The following TAAR2 variants were observed in gnomAD, a reference collection of about 807,000 sequenced individuals.
TAAR2 encodes trace amine-associated receptor 2.
TAAR2 carries 30 observed loss-of-function variants against 25.5 expected under a neutral mutation model. That is an observed-to-expected ratio of 1.18 (90% confidence interval 0.88 to 1.60). The LOEUF (loss-of-function observed/expected upper bound fraction) is 1.60, where lower values mean the gene tolerates loss of function less well. Among genes scored for constraint, TAAR2 ranks in the 40% most tolerant of loss-of-function variants. The probability of loss-of-function intolerance (pLI) is 0.00; values close to 1 mark genes in which losing one functional copy is unlikely to be tolerated. For synonymous variants in TAAR2, 150 were observed against 142.4 expected (o/e 1.05, Z -0.38); for missense variants, 481 against 416.5 (o/e 1.15, Z -1.35).
Position 132,617,970 on chromosome 6 carries a change from T to C in TAAR2, c.236A>G (p.Asn79Ser). 1 of 1,613,758 alleles carries C rather than the reference T, an allele frequency of 6.2e-7. No individual in the cohort carries two copies. The highest frequency in any genetic ancestry group is 8.5e-7 in the Non-Finnish European group (1 of 1,179,908). Residue 79 changes from asparagine (N) to serine (S), a missense_variant, in exon 2 of 2, where the codon AAC becomes AGC. Transcript: ENST00000367931. ...SYFKQLHTPT[N>S]FLILSMAITD... ...GATGGCCATGGAGAGGATGAGGAAG[T>C]TGGTTGGTGTGTGAAGCTGCTTGAA...
At chr6:132,620,902 AG>A (rs1777362569) in intron 1 of TAAR2, among the ~76,000 whole-genome samples, 1 of 92,468 alleles carries the variant, frequency 1.1e-5, no homozygotes, top group Admixed American at 9.7e-5. Context: ...AAAGACAGAA[AG>A]AAAAAAGAAG....
At position 132,624,215 on chromosome 6, in the gene TAAR2, CCT is replaced by C. The variant is rs760401665; in HGVS notation, c.59_60del (p.Lys20ArgfsTer7). On this transcript the variant is annotated frameshift_variant and splice_region_variant, in exon 1 of 2. Coordinates refer to ENST00000367931, the MANE Select transcript of TAAR2 (RefSeq NM_001033080.1). LOFTEE classifies it high-confidence loss of function. ...LSHFKRTQTKKEKFNCSEYGN... is the reference protein window; with the variant it reads ...LSHFKRTQTKXEKFNCSEYGN... ...ACTTAGTCATATGTTTAAGGGCCTA[CCT>C]TTTTTGTCTGTGTTCTTTTGAAATG... 6 of 1,613,300 alleles carry C rather than the reference CCT, an allele frequency of 3.7e-6. No individual in the cohort carries two copies. In the South Asian group the frequency reaches 5.5e-5, roughly 15 times the overall value.
At position 132,618,065 on chromosome 6, in the gene TAAR2, A is replaced by G. The variant is rs773834242; in HGVS notation, c.141T>C (p.Tyr47=). The part of the protein sequence containing the change: ...ERSLGVRVAM[Y]SFMAGSIFIT... ...TGAATATGGATCCTGCCATAAATGAATACATAGCCACTCGGACACCCAGAG... is the reference window on the plus strand; with the variant it reads ...TGAATATGGATCCTGCCATAAATGAGTACATAGCCACTCGGACACCCAGAG... The change falls in exon 2 of 2, where the codon TAT becomes TAC. Residue 47 remains tyrosine, a synonymous_variant. Coordinates refer to ENST00000367931, the MANE Select transcript of TAAR2 (RefSeq NM_001033080.1). The G allele has an allele frequency of 1.1e-5, 17 of 1,613,890 alleles. No individual in the cohort carries two copies. The highest frequency in any genetic ancestry group is 1.4e-5 in the Non-Finnish European group (16 of 1,179,928).
At chr6:132,620,154 G>A (rs1275184715) in intron 1 of TAAR2, among the ~76,000 whole-genome samples, 1 of 152,162 alleles carries the variant, frequency 6.6e-6, no homozygotes. Flanking sequence ...GTACAGATTT[G>A]AAATTAAAAG....
In TAAR2 at chr6:132,618,132, C is replaced by T; in HGVS notation, c.74G>A (p.Cys25Tyr). 6.4e-7 allele frequency: 1 copy of T among 1,571,036 alleles called. No homozygotes were observed. Among genetic ancestry groups the T allele is most frequent in the Non-Finnish European group, 8.6e-7 (1 of 1,161,746 alleles). ...GCAAGATCTATTTCCATATTCAGAGCAATTGAATTTTTCCTTCAAAAAACA... is the reference window on the plus strand; with the variant it reads ...GCAAGATCTATTTCCATATTCAGAGTAATTGAATTTTTCCTTCAAAAAACA... ...RTQTKKEKFN[C>Y]SEYGNRSCPE... Residue 25 changes from cysteine to tyrosine, a missense_variant, in exon 2 of 2, where the codon TGC (cysteine) becomes TAC (tyrosine). Transcript: ENST00000367931.
At position 132,617,428 on chromosome 6, in the gene TAAR2, CT is replaced by C. The variant is rs1562194452; in HGVS notation, c.777del (p.Ala260LeufsTer5). ...NQNNQVKKDK[K>X]AAKTLGIVIG... ...ATCACTATTCCTAAAGTTTTGGCAGCTTTTTTGTCTTTCTTCACTTGATTAT... is the reference window on the plus strand; with the variant it reads ...ATCACTATTCCTAAAGTTTTGGCAGCTTTTTGTCTTTCTTCACTTGATTAT... On this transcript the variant is annotated frameshift_variant, in exon 2 of 2. Transcript: ENST00000367931. LOFTEE classifies it high-confidence loss of function. 1.2e-6 allele frequency: 2 copies of C among 1,613,510 alleles called. No individual in the cohort carries two copies. The highest frequency in any genetic ancestry group is 1.3e-5 in the African/African-American group (1 of 74,820).
At chr6:132,619,049 G>A (rs982360620) in intron 1 of TAAR2, among the ~76,000 whole-genome samples, 1 of 152,262 alleles carries the variant, frequency 6.6e-6, no homozygotes, top group African/African-American at 2.4e-5. Flanking sequence ...AACAAGCATG[G>A]CATCAGCCAA....
chr6:132,619,987 G>C (rs1057477491), intron 1 of TAAR2, among the ~76,000 whole-genome samples: 1 of 152,202 alleles, frequency 6.6e-6, no homozygotes, highest in African/African-American at 2.4e-5. Context: ...GTGGAGGGGA[G>C]TATAGAGGGA....
rs1194026846 is a variant in TAAR2, at chr6:132,617,302, A to T, written c.904T>A (p.Trp302Arg). 6.2e-7 allele frequency: 1 copy of T among 1,613,790 alleles called. No individual in the cohort carries two copies. The highest frequency in any genetic ancestry group is 8.5e-7 in the Non-Finnish European group (1 of 1,179,912). ...TPVVLFDALT[W>R]FGYFNSTCNP... ...CATGTGGAGTTAAAATAGCCAAACC[A>T]TGTCAAGGCATCAAACAAAACTACA... The change falls in exon 2 of 2, where the codon TGG becomes AGG. Residue 302 changes from tryptophan to arginine, a missense_variant. Trp to Arg is a moderately radical substitution (Grantham distance 101, BLOSUM62 -3). Transcript: ENST00000367931.
intron 1 of TAAR2, among the ~76,000 whole-genome samples, chr6:132,623,207 G>A (rs1777398736): frequency 6.6e-6 from 1 of 152,218 alleles, no homozygotes; most frequent in Non-Finnish European, 1.5e-5. Flanking sequence ...AGTTAAGACA[G>A]TGATAGATCA....
chr6:132,618,494 G>A (rs760724170), intron 1 of TAAR2, among the ~76,000 whole-genome samples: 1 of 152,052 alleles, frequency 6.6e-6, no homozygotes, highest in Non-Finnish European at 1.5e-5. Flanking sequence ...ACAAAAAGTA[G>A]CCAGGCATGG....
chr6:132,617,767 A>G lies in TAAR2; in HGVS notation c.439T>C (p.Tyr147His). Residue 147 changes from tyrosine to histidine, a missense_variant, in exon 2 of 2, where the codon TAC (tyrosine) becomes CAC (histidine). By Grantham distance (83) the Tyr-to-His change is moderately conservative (BLOSUM62 2). Transcript: ENST00000367931. ...VAIDRFYAIC[Y>H]PLLYSTKITI... ...ATTTTGGTGGAATAAAGTAATGGGT[A>G]ACATATAGCATAAAATCTATCAATG... 1 of 1,614,098 alleles carries G rather than the reference A, an allele frequency of 6.2e-7. No homozygotes were observed.
intron 1 of TAAR2, among the ~76,000 whole-genome samples, chr6:132,622,555 G>T (rs749201383): frequency 7.5e-6 from 1 of 132,666 alleles, no homozygotes; most frequent in Non-Finnish European, 1.6e-5. Context: ...GTGCAATCTC[G>T]GCTCACTGCA....
At chr6:132,620,434 TCAGAA>T (rs1436785137) in intron 1 of TAAR2, among the ~76,000 whole-genome samples, 5 of 152,242 alleles carry the variant, frequency 3.3e-5, no homozygotes, top group Admixed American at 6.5e-5. Context: ...AAGAGTTTCA[TCAGAA>T]CAGTTTTATC....
rs370343328 is a variant in TAAR2, at chr6:132,617,192, A to G, written c.1014T>C (p.Cys338=). 6.2e-7 allele frequency: 1 copy of G among 1,604,630 alleles called. No individual in the cohort carries two copies. Among genetic ancestry groups the G allele is most frequent in the African/African-American group, 1.3e-5 (1 of 74,308 alleles). Residue 338 remains cysteine (C), a synonymous_variant, in exon 2 of 2, where the codon TGT becomes TGC. Coordinates refer to ENST00000367931, the MANE Select transcript of TAAR2 (RefSeq NM_001033080.1). ...GCATACACAAAATAGTATTATGGAA[A>G]CATGAGCTGAAAATTTTACCTAGCA... The part of the protein sequence containing the change: ...YILLGKIFSS[C]FHNTILCMQK...
intron 1 of TAAR2, 119 bp from the exon 2 acceptor site, chr6:132,618,264 G>C (rs1582738982): frequency 1.1e-6 from 1 of 909,132 alleles, no homozygotes; most frequent in African/African-American, 1.7e-5. Flanking sequence ...AATTTATGCT[G>C]TAATATTACT....
intron 1 of TAAR2, among the ~76,000 whole-genome samples, chr6:132,622,806 A>C (rs1777392546): frequency 6.6e-6 from 1 of 151,982 alleles, no homozygotes; most frequent in African/African-American, 2.4e-5. Flanking sequence ...TTAAGACTTA[A>C]TGGATTTCAC....
chr6:132,620,043 T>G (rs1205016076), intron 1 of TAAR2, among the ~76,000 whole-genome samples: 1 of 152,202 alleles, frequency 6.6e-6, no homozygotes, highest in Non-Finnish European at 1.5e-5. Context: ...CAAGCCAGTG[T>G]TCTTAGCCAG....
At chr6:132,619,118 A>C (rs1777340754) in intron 1 of TAAR2, among the ~76,000 whole-genome samples, 2 of 152,322 alleles carry the variant, frequency 1.3e-5, no homozygotes, top group South Asian at 2.1e-4. Flanking sequence ...TTACTTGTGA[A>C]GAGCAAGTGT....
Sources: allele counts gnomAD v4.1 joint callset (sites outside exome capture counted in the v4.1 genomes callset), GRCh38; gene constraint gnomAD v4.1.1; transcripts MANE v1.5; gene names NCBI Gene and HGNC (gene_info 2026-07-23, HGNC 2026-07-21).